Variants in SAMMSON observed in about 807,000 individuals in gnomAD.
SAMMSON encodes the protein long intergenic non-protein coding RNA 1212.
At chr3:70,236,670 G>A (rs1194519930) in intron 4 of SAMMSON, among the ~76,000 whole-genome samples, 5 of 151,880 alleles carry the variant, frequency 3.3e-5, no homozygotes, top group East Asian at 1.9e-4. Context: ...ATCATGGCTC[G>A]CTGCAGTCTC....
intron 7 of SAMMSON, among the ~76,000 whole-genome samples, chr3:70,302,247 CT>C (rs1381732688): frequency 2.0e-5 from 3 of 152,010 alleles, no homozygotes; most frequent in Non-Finnish European, 2.9e-5. Context: ...GTTCACATTC[CT>C]TTTTTTATCT....
intron 4 of SAMMSON, among the ~76,000 whole-genome samples, chr3:70,129,557 ATCT>A (rs1412295529): frequency 6.6e-6 from 1 of 152,148 alleles, no homozygotes; most frequent in Non-Finnish European, 1.5e-5. Flanking sequence ...AAGGGATTGA[ATCT>A]TATTCTTGAT....
rs115970786 is a variant in SAMMSON, at chr3:70,251,157, A to G, written n.674+1487A>G. Among the ~76,000 whole-genome samples the G allele has an allele frequency of 6.7e-3, 1,020 of 152,294 alleles. 13 individuals carry two copies. Among genetic ancestry groups the G allele is most frequent in the African/African-American group, 0.023 (946 of 41,556 alleles). ...TGTAATTCCATTAGAGAAATTGCAA[A>G]AAGGTGGTTTCTGCCCACATCTTTG... On this transcript the variant is annotated intron_variant and non_coding_transcript_variant, in intron 6 of 9. Coordinates refer to ENST00000642114, the Ensembl canonical transcript of SAMMSON.
intron 1 of SAMMSON, among the ~76,000 whole-genome samples, chr3:70,006,479 G>C (rs2107575103): frequency 6.6e-6 from 1 of 152,260 alleles, no homozygotes; most frequent in South Asian, 2.1e-4. Flanking sequence ...GTAGTCCAAG[G>C]ACCTACAGCT....
chr3:70,244,041 C>T (rs1701683121), intron 4 of SAMMSON, among the ~76,000 whole-genome samples: 1 of 152,182 alleles, frequency 6.6e-6, no homozygotes, highest in South Asian at 2.1e-4. Flanking sequence ...ATGGAAGATT[C>T]TAATTCTTCA....
intron 4 of SAMMSON, among the ~76,000 whole-genome samples, chr3:70,124,742 G>T (rs893856489): frequency 6.8e-6 from 1 of 148,108 alleles, no homozygotes. Flanking sequence ...GTGAACCCGG[G>T]AGGCAGAGCT....
At chr3:70,403,657 T>C (rs1417211156) in intron 2 of SAMMSON, among the ~76,000 whole-genome samples, 5 of 152,344 alleles carry the variant, frequency 3.3e-5, no homozygotes, top group African/African-American at 1.2e-4. Flanking sequence ...AGAGACTCTC[T>C]AGGCCACAAA....
intron 3 of SAMMSON, among the ~76,000 whole-genome samples, chr3:70,054,126 G>C (rs1172056861): frequency 1.3e-5 from 2 of 152,094 alleles, no homozygotes; most frequent in African/African-American, 2.4e-5. Flanking sequence ...TCAACATATA[G>C]ATATAGGTGA....
chr3:70,027,950 A>G lies in SAMMSON; in HGVS notation n.417+14278A>G, dbSNP rs2067047554. 2.6e-5 allele frequency among the ~76,000 whole-genome samples: 4 copies of G among 152,242 alleles called. No individual in the cohort carries two copies. In the South Asian group the frequency reaches 8.3e-4, roughly 32 times the overall value. ...TGGGGGTAATATTGAAATAGACAGT[A>G]TTTAAAAGGCCTTTGCAACACACAA... On this transcript the variant is annotated intron_variant and non_coding_transcript_variant, in intron 3 of 9. Coordinates refer to ENST00000642114, the Ensembl canonical transcript of SAMMSON.
Position 70,225,423 on chromosome 3 carries a change from A to G in SAMMSON, n.508-23684A>G, listed in dbSNP as rs76210785. Among the ~76,000 whole-genome samples the G allele has an allele frequency of 6.9e-3, 1,045 of 152,122 alleles. 61 individuals are homozygous for G. In the East Asian group the frequency reaches 0.15, roughly 21 times the overall value. ...TAACAATGCTTTATTATTCACATTG[A>G]TCTTTTTTTATAGTGTTCTTTATCT... On this transcript the variant is annotated intron_variant and non_coding_transcript_variant, in intron 4 of 9. Transcript: ENST00000642114.
intron 4 of SAMMSON, among the ~76,000 whole-genome samples, chr3:70,221,759 C>G (rs898159723): frequency 2.0e-5 from 3 of 152,122 alleles, no homozygotes; most frequent in African/African-American, 7.2e-5. Flanking sequence ...TGTCCCAATC[C>G]TTGGGACCGT....
intron 2 of SAMMSON, among the ~76,000 whole-genome samples, chr3:70,399,046 A>T (rs1418381851): frequency 6.6e-6 from 1 of 152,240 alleles, no homozygotes; most frequent in Non-Finnish European, 1.5e-5. Context: ...AAGCAAATAC[A>T]TGAATCTTGC....
At chr3:70,163,935 C>A (rs1165526000) in intron 4 of SAMMSON, among the ~76,000 whole-genome samples, 1 of 151,932 alleles carries the variant, frequency 6.6e-6, no homozygotes, top group Non-Finnish European at 1.5e-5. Context: ...AGGTAATTGC[C>A]TTGTATAGTT....
intron 6 of SAMMSON, among the ~76,000 whole-genome samples, chr3:70,273,127 C>G (rs1701989831): frequency 6.6e-6 from 1 of 152,166 alleles, no homozygotes; most frequent in East Asian, 1.9e-4. Context: ...AAGATGAATA[C>G]AATCCTAAAA....
rs771879822 is a variant in SAMMSON at position 70,020,644 on chromosome 3, A to G, written n.417+6972A>G. Among the ~76,000 whole-genome samples the G allele has an allele frequency of 6.8e-4, 104 of 152,182 alleles. 1 individual carries two copies. Among genetic ancestry groups the G allele is most frequent in the Non-Finnish European group, 3.5e-4 (24 of 68,016 alleles). On this transcript the variant is annotated intron_variant and non_coding_transcript_variant, in intron 3 of 9. Coordinates refer to ENST00000642114, the Ensembl canonical transcript of SAMMSON. Reference sequence around the variant, plus strand: ...TCCACACATTTCTCTTCGCCTTCTAATCATCTGATTGAGCCTACTTGGATC... The same window carrying G: ...TCCACACATTTCTCTTCGCCTTCTAGTCATCTGATTGAGCCTACTTGGATC...
At chr3:70,321,356 CT>C (rs1418596188) in intron 7 of SAMMSON, among the ~76,000 whole-genome samples, 1 of 152,004 alleles carries the variant, frequency 6.6e-6, no homozygotes, top group African/African-American at 2.4e-5. Flanking sequence ...AGTATGTATT[CT>C]TTTTGCCTAA....
chr3:70,201,101 G>T (rs1701233645), intron 4 of SAMMSON, among the ~76,000 whole-genome samples: 1 of 151,762 alleles, frequency 6.6e-6, no homozygotes, highest in Non-Finnish European at 1.5e-5. Context: ...TGCTACATAG[G>T]TAAACTTGTG....
At chr3:70,176,691 A>G (rs547889986) in intron 4 of SAMMSON, among the ~76,000 whole-genome samples, 1 of 152,328 alleles carries the variant, frequency 6.6e-6, no homozygotes, top group South Asian at 2.1e-4. Flanking sequence ...TAATACACCT[A>G]TCATTTAATT....
At chr3:70,226,233 A>T (rs1218430434) in intron 4 of SAMMSON, among the ~76,000 whole-genome samples, 1 of 152,214 alleles carries the variant, frequency 6.6e-6, no homozygotes, top group Non-Finnish European at 1.5e-5. Context: ...CTGCTGGTAG[A>T]TAATACAAAG....
Sources: gnomAD v4.1 joint callset for allele counts (sites outside exome capture counted in the v4.1 genomes callset) on GRCh38, gnomAD v4.1.1 for gene constraint, MANE v1.5 for transcripts, NCBI Gene and HGNC (gene_info 2026-07-23, HGNC 2026-07-21) for gene names.